Variants in PCDHA5 observed in about 807,000 individuals in gnomAD.
PCDHA5 encodes the protein protocadherin alpha-5.
A neutral mutation model predicts 61.6 loss-of-function variants in PCDHA5; 43 were observed. The observed-to-expected ratio is 0.70, with a 90% confidence interval of 0.55 to 0.90. The LOEUF (loss-of-function observed/expected upper bound fraction) is 0.90. Among genes scored for constraint, PCDHA5 ranks in the 40% least tolerant of loss-of-function variants. The pLI is 0.00. For synonymous variants in PCDHA5, 627 were observed against 543.9 expected (o/e 1.15, Z -2.13); for missense variants, 1,298 against 1,222.7 (o/e 1.06, Z -0.92).
At chr5:140,937,009 C>A (rs1409113092) in intron 1 of PCDHA5, among the ~76,000 whole-genome samples, 11 of 151,930 alleles carry the variant, frequency 7.2e-5, no homozygotes, top group African/African-American at 1.9e-4. Context: ...AGACAGACAA[C>A]CGATTAACAA....
intron 1 of PCDHA5, chr5:140,841,882 T>A: frequency 6.2e-7 from 1 of 1,613,800 alleles, no homozygotes; most frequent in Non-Finnish European, 8.5e-7. Context: ...CAAAGAACGA[T>A]GAGAATAAAC....
At chr5:140,889,121 G>A (rs2062113098) in intron 1 of PCDHA5, among the ~76,000 whole-genome samples, 1 of 151,724 alleles carries the variant, frequency 6.6e-6, no homozygotes, top group East Asian at 1.9e-4. Flanking sequence ...AGGTGATACT[G>A]ATATGTCCTA....
chr5:141,010,802 G>A lies in PCDHA5; in HGVS notation c.*865G>A, dbSNP rs1323558356. On this transcript the variant is annotated 3_prime_UTR_variant, in exon 4 of 4. Coordinates refer to ENST00000529859, the MANE Select transcript of PCDHA5 (RefSeq NM_018908.3). ...TTATGCAAAAGCAAAAGAAAACCCC[G>A]ACACCTCACCTTTCGCTGTTTGTTG... 6.5e-6 allele frequency: 1 copy of A among 153,554 alleles called. No homozygotes were observed. The highest frequency in any genetic ancestry group is 1.5e-5 in the Non-Finnish European group (1 of 68,024). The allele number at this position is 153,554 out of a possible 1,614,324, so 9.5% of individuals were successfully genotyped here. A position where few individuals can be genotyped will look rare whatever the true frequency, so the allele number is the denominator to read the frequency against.
At chr5:140,857,833 A>C (rs1554150723) in intron 1 of PCDHA5, 1 of 1,597,676 alleles carries the variant, frequency 6.3e-7, no homozygotes. Context: ...AGGTGCGCGC[A>C]GTGGACGCTG....
chr5:140,954,016 A>G (rs246027), intron 1 of PCDHA5, among the ~76,000 whole-genome samples: 85,628 of 151,968 alleles, frequency 0.56, 24,747 homozygotes, highest in African/African-American at 0.69. Context: ...GCTCCCACAC[A>G]TAGTGGGACG....
At chr5:140,930,814 T>A (rs1554208117) in intron 1 of PCDHA5, among the ~76,000 whole-genome samples, 1 of 152,210 alleles carries the variant, frequency 6.6e-6, no homozygotes, top group Non-Finnish European at 1.5e-5. Flanking sequence ...AAGATATGCT[T>A]AGTAAATGCT....
chr5:140,899,531 CA>C (rs2067387177), intron 1 of PCDHA5, among the ~76,000 whole-genome samples: 1 of 152,140 alleles, frequency 6.6e-6, no homozygotes, highest in Non-Finnish European at 1.5e-5. Context: ...GGATGAAGCC[CA>C]CTTGATCATG....
chr5:140,914,426 A>G (rs1554196349), intron 1 of PCDHA5, among the ~76,000 whole-genome samples: 1 of 152,140 alleles, frequency 6.6e-6, no homozygotes, highest in African/African-American at 2.4e-5. Context: ...TTAGCAAGGA[A>G]TATCTTTTCC....
intron 1 of PCDHA5, chr5:140,875,643 G>A: frequency 6.2e-7 from 1 of 1,613,696 alleles, no homozygotes; most frequent in Non-Finnish European, 8.5e-7. Flanking sequence ...TGGAGCTGGC[G>A]GAGCTGGTGC....
chr5:140,834,708 A>G lies in PCDHA5; in HGVS notation c.2352+10581A>G. ...GGAGTGCAGCATCCACCTGGAGGTG[A>G]TCGTGGAAAGGCCGCTGCAGGTTTT... On this transcript the variant is annotated intron_variant, in intron 1 of 3. Coordinates refer to ENST00000529859, the MANE Select transcript of PCDHA5 (RefSeq NM_018908.3). The G allele has an allele frequency of 2.5e-6, 4 of 1,614,234 alleles. No individual in the cohort carries two copies. In the South Asian group the frequency reaches 3.3e-5, roughly 13 times the overall value.
At position 140,822,820 on chromosome 5, in the gene PCDHA5, A is replaced by T. The variant is rs2150119640; in HGVS notation, c.1045A>T (p.Met349Leu). ...LLDVNDNTPE[M>L]AITTLFLPVK... Reference sequence around the variant, plus strand: ...GGATGTGAATGATAATACCCCAGAGATGGCCATAACCACCCTTTTCCTGCC... The same window carrying T: ...GGATGTGAATGATAATACCCCAGAGTTGGCCATAACCACCCTTTTCCTGCC... Residue 349 changes from methionine (M) to leucine (L), a missense_variant, in exon 1 of 4, where the codon ATG becomes TTG. Transcript: ENST00000529859. 47 of 1,614,166 alleles carry T rather than the reference A, an allele frequency of 2.9e-5. No homozygotes were observed. The highest frequency in any genetic ancestry group is 3.9e-5 in the Non-Finnish European group (46 of 1,180,012).
chr5:140,993,346 G>A (rs2097551194), intron 3 of PCDHA5, among the ~76,000 whole-genome samples: 2 of 151,820 alleles, frequency 1.3e-5, no homozygotes, highest in Non-Finnish European at 1.5e-5. Context: ...AGGGCACTAC[G>A]AAGATCCTCA....
At chr5:140,843,915 T>C in intron 1 of PCDHA5, 1 of 619,744 alleles carries the variant, frequency 1.6e-6, no homozygotes, top group East Asian at 2.9e-5. Flanking sequence ...GTTGGGTCTA[T>C]CTTGAAACTC....
At chr5:140,929,821 C>G (rs2086398950) in intron 1 of PCDHA5, 1 of 157,208 alleles carries the variant, frequency 6.4e-6, no homozygotes, top group Non-Finnish European at 1.4e-5. Context: ...AGAAAGGGAA[C>G]ATAAGAGAAC....
intron 1 of PCDHA5, chr5:140,830,316 C>A (rs1770983457): frequency 1.2e-6 from 2 of 1,613,980 alleles, no homozygotes; most frequent in Non-Finnish European, 1.7e-6. Flanking sequence ...CTGGTGTGCT[C>A]CAGCGCAGTG....
rs782194896 is a variant in PCDHA5 at position 140,992,662 on chromosome 5, G to A, written c.2500+10099G>A. Among the ~76,000 whole-genome samples, 4 of 152,160 alleles carry A rather than the reference G, an allele frequency of 2.6e-5. 1 individual carries two copies. The highest frequency in any genetic ancestry group is 5.9e-5 in the Non-Finnish European group (4 of 68,028). ...GAAAATAGAAGAAAGAGCCTGATTGGTGTGTATGTGTGTGTTAGGGGTTGA... is the reference window on the plus strand; with the variant it reads ...GAAAATAGAAGAAAGAGCCTGATTGATGTGTATGTGTGTGTTAGGGGTTGA... On this transcript the variant is annotated intron_variant, in intron 3 of 3. Transcript: ENST00000529859.
chr5:140,898,056 T>A (rs1330796298), intron 1 of PCDHA5, among the ~76,000 whole-genome samples: 5 of 152,202 alleles, frequency 3.3e-5, no homozygotes, highest in Admixed American at 3.3e-4. Context: ...TTCTTGTAAA[T>A]TTGTTTGAGT....
intron 1 of PCDHA5, chr5:140,836,100 A>T (rs782621778): frequency 6.2e-7 from 1 of 1,613,700 alleles, no homozygotes; most frequent in Non-Finnish European, 8.5e-7. Flanking sequence ...GGTGGGTGGC[A>T]CTGGTGGCGC....
At chr5:140,837,131 A>G (rs1181780684) in intron 1 of PCDHA5, 1 of 155,420 alleles carries the variant, frequency 6.4e-6, no homozygotes, top group African/African-American at 2.4e-5. Flanking sequence ...ATTTTATTCT[A>G]TGTATTGTCC....
Sources: gnomAD v4.1 joint callset for allele counts (sites outside exome capture counted in the v4.1 genomes callset) on GRCh38, gnomAD v4.1.1 for gene constraint, MANE v1.5 for transcripts, NCBI Gene and HGNC (gene_info 2026-07-23, HGNC 2026-07-21) for gene names.